Variants in ALK observed in about 807,000 individuals in gnomAD.
ALK encodes the protein ALK receptor tyrosine kinase, also known as ALK tyrosine kinase receptor.
In ALK, 74 loss-of-function variants were observed where a neutral mutation model predicts 163.1. The ratio of observed to expected loss-of-function variants is 0.45; its 90% confidence interval spans 0.38 to 0.55. The LOEUF (loss-of-function observed/expected upper bound fraction) is 0.55. Ranked by LOEUF, ALK falls within the 20% of genes least tolerant of loss-of-function variation. The probability of loss-of-function intolerance (pLI) is 0.00; values close to 1 mark genes in which losing one functional copy is unlikely to be tolerated. For missense variants in ALK, 2,063 were observed against 2,105.3 expected (o/e 0.98, Z 0.39); for synonymous variants, 960 against 843.2 (o/e 1.14, Z -2.40).
chr2:29,323,736 A>G (rs565930106), intron 6 of ALK, among the ~76,000 whole-genome samples: 2 of 152,346 alleles, frequency 1.3e-5, no homozygotes, highest in South Asian at 4.1e-4. Context: ...CTGGGAAATC[A>G]CCACTAAGGC....
At chr2:29,858,021 C>T (rs957339837) in intron 1 of ALK, among the ~76,000 whole-genome samples, 2 of 150,986 alleles carry the variant, frequency 1.3e-5, no homozygotes, top group African/African-American at 4.9e-5. Flanking sequence ...ATTCAGATTC[C>T]CCTAGTTTTA....
At chr2:29,382,611 A>G (rs1269536090) in intron 5 of ALK, among the ~76,000 whole-genome samples, 1 of 152,138 alleles carries the variant, frequency 6.6e-6, no homozygotes, top group South Asian at 2.1e-4. Context: ...CCTCTTTTGT[A>G]TGGTACATAG....
chr2:29,340,975 A>G (rs1481250928), intron 5 of ALK, among the ~76,000 whole-genome samples: 8 of 152,210 alleles, frequency 5.3e-5, no homozygotes, highest in Non-Finnish European at 1.0e-4. Flanking sequence ...CAGGGGATGG[A>G]GAACTTAGCG....
At chr2:29,716,699 A>G (rs1342714046) in intron 2 of ALK, among the ~76,000 whole-genome samples, 3 of 152,148 alleles carry the variant, frequency 2.0e-5, no homozygotes, top group Non-Finnish European at 2.9e-5. Context: ...TAAAAATGTA[A>G]TTGGACCTGG....
intron 4 of ALK, among the ~76,000 whole-genome samples, chr2:29,462,212 C>T (rs62131812): frequency 0.43 from 65,877 of 152,034 alleles, 14,959 homozygotes; most frequent in South Asian, 0.59. Context: ...ATATTGTTAA[C>T]ATTGTTGAAA....
At chr2:29,519,039 C>T (rs569980392) in intron 4 of ALK, among the ~76,000 whole-genome samples, 4 of 152,242 alleles carry the variant, frequency 2.6e-5, no homozygotes, top group African/African-American at 9.6e-5. Context: ...CACAAAGAGC[C>T]TACAAGGTAA....
intron 8 of ALK, among the ~76,000 whole-genome samples, chr2:29,304,199 T>C (rs774251116): frequency 3.3e-5 from 5 of 152,150 alleles, no homozygotes; most frequent in African/African-American, 7.2e-5. Flanking sequence ...TGGGACCTTG[T>C]TAGAAATGCA....
In ALK at chr2:29,808,286, C is replaced by T. The variant is rs954054222; in HGVS notation, c.668-90589G>A. On this transcript the variant is annotated intron_variant, in intron 1 of 28. Transcript: ENST00000389048. ...GCAGGAAATGACTTGCCCATAGTGT[C>T]ACATTTGTCTGGTGTCTCCTATGAA... Among the ~76,000 whole-genome samples the T allele has an allele frequency of 2.0e-5, 3 of 152,126 alleles. No homozygotes were observed. The South Asian group carries it at 6.2e-4, about 32-fold the overall frequency.
chr2:29,837,315 A>G (rs1478539571), intron 1 of ALK, among the ~76,000 whole-genome samples: 1 of 152,198 alleles, frequency 6.6e-6, no homozygotes, highest in African/African-American at 2.4e-5. Context: ...ATTTGGAGCT[A>G]CTGAGGTGCC....
At chr2:29,838,332 A>G (rs998600861) in intron 1 of ALK, among the ~76,000 whole-genome samples, 16 of 152,170 alleles carry the variant, frequency 1.1e-4, no homozygotes, top group African/African-American at 3.9e-4. Flanking sequence ...ATTTTCCCCA[A>G]ATTTGATGAA....
At chr2:29,700,810 C>T (rs898449436) in intron 2 of ALK, among the ~76,000 whole-genome samples, 2 of 152,158 alleles carry the variant, frequency 1.3e-5, no homozygotes, top group Non-Finnish European at 2.9e-5. Context: ...ACGGTGGTGA[C>T]CCTGCCCAAA....
chr2:29,417,148 C>T (rs774319610), intron 4 of ALK, among the ~76,000 whole-genome samples: 29 of 151,764 alleles, frequency 1.9e-4, no homozygotes, highest in African/African-American at 5.3e-4. Flanking sequence ...CCACCATGCC[C>T]GGCTAATTTT....
chr2:29,368,499 C>G (rs1272552004), intron 5 of ALK, among the ~76,000 whole-genome samples: 1 of 152,178 alleles, frequency 6.6e-6, no homozygotes, highest in African/African-American at 2.4e-5. Context: ...TTTGAATTCT[C>G]TAGTAAAGTC....
intron 3 of ALK, among the ~76,000 whole-genome samples, chr2:29,549,486 C>A (rs1401836485): frequency 2.0e-5 from 3 of 152,164 alleles, no homozygotes; most frequent in Admixed American, 6.5e-5. Flanking sequence ...CTAATAATGG[C>A]AGCCAATAGC....
intron 4 of ALK, among the ~76,000 whole-genome samples, chr2:29,450,209 C>G (rs1038802893): frequency 5.3e-5 from 8 of 152,148 alleles, no homozygotes; most frequent in African/African-American, 1.9e-4. Flanking sequence ...CATGGGACGC[C>G]AGGTTCTGAG....
chr2:29,531,945 A>T lies in ALK; in HGVS notation c.1124T>A (p.Ile375Asn), dbSNP rs929806482. Reference protein sequence around the residue: ...LLPHNEAAREILLMPTPGKHG... With the variant: ...LLPHNEAARENLLMPTPGKHG... ...CTTCCCTGGAGTGGGCATCAGGAGG[A>T]TCTCTCTTGCAGCCTCGTTGTGGGG... The change falls in exon 4 of 29, where the codon ATC becomes AAC. Residue 375 changes from isoleucine to asparagine, a missense_variant. This residue lies in a region of ALK where 987 missense variants were observed against 939.5 expected (regional missense o/e 1.05). Transcript: ENST00000389048. 1.9e-6 allele frequency: 3 copies of T among 1,614,012 alleles called. No individual in the cohort carries two copies. Among genetic ancestry groups the T allele is most frequent in the Non-Finnish European group, 2.5e-6 (3 of 1,180,012 alleles).
At chr2:29,362,674 C>T (rs1461561419) in intron 5 of ALK, among the ~76,000 whole-genome samples, 3 of 152,204 alleles carry the variant, frequency 2.0e-5, no homozygotes, top group Non-Finnish European at 4.4e-5. Context: ...ATTTCCACAG[C>T]ACTGCGTCTC....
chr2:29,318,813 G>A (rs780664226), intron 7 of ALK, among the ~76,000 whole-genome samples: 4 of 152,096 alleles, frequency 2.6e-5, no homozygotes, highest in African/African-American at 4.8e-5. Context: ...TGATCTGCCC[G>A]TCTCGGCCTC....
intron 1 of ALK, among the ~76,000 whole-genome samples, chr2:29,901,742 T>A (rs1402179293): frequency 2.0e-5 from 3 of 152,232 alleles, no homozygotes; most frequent in Non-Finnish European, 4.4e-5. Flanking sequence ...TCTCTCCCTG[T>A]GATCTATGAA....
Sources: gnomAD v4.1 joint callset for allele counts (sites outside exome capture counted in the v4.1 genomes callset) on GRCh38, gnomAD v4.1.1 for gene constraint, gnomAD v4.1.1 regional missense constraint, MANE v1.5 for transcripts, NCBI Gene and HGNC (gene_info 2026-07-23, HGNC 2026-07-21) for gene names.